The following SGCZ variants were observed in gnomAD, a reference collection of about 807,000 sequenced individuals.
The protein encoded by SGCZ is zeta-sarcoglycan.
Under a neutral mutation model 41.3 loss-of-function variants are expected in SGCZ, and 40 were observed. The ratio of observed to expected loss-of-function variants is 0.97; its 90% CI spans 0.75 to 1.26. SGCZ has a LOEUF of 1.26. Ranked by LOEUF, SGCZ falls within the 50% of genes most tolerant of loss-of-function variation. The pLI is 0.00. For synonymous variants in SGCZ, 206 were observed against 137.5 expected (o/e 1.50, Z -3.49); for missense variants, 552 against 369.8 (o/e 1.49, Z -4.04).
chr8:14,736,613 T>C (rs1253132292), intron 1 of SGCZ, among the ~76,000 whole-genome samples: 1 of 152,092 alleles, frequency 6.6e-6, no homozygotes, highest in East Asian at 1.9e-4. Context: ...TGTTGTTTTT[T>C]ATTCCTCACC....
intron 3 of SGCZ, among the ~76,000 whole-genome samples, chr8:14,252,715 A>G (rs540798286): frequency 2.6e-5 from 4 of 152,304 alleles, no homozygotes; most frequent in Non-Finnish European, 5.9e-5. Context: ...TCAAGGATAC[A>G]GTACTTGTAA....
chr8:14,885,156 A>G (rs1804739667), intron 1 of SGCZ, among the ~76,000 whole-genome samples: 1 of 152,164 alleles, frequency 6.6e-6, no homozygotes, highest in Admixed American at 6.6e-5. Flanking sequence ...TCTGCTTTGT[A>G]TCACATACGA....
At chr8:14,956,204 T>A (rs1800787408) in intron 1 of SGCZ, among the ~76,000 whole-genome samples, 1 of 151,938 alleles carries the variant, frequency 6.6e-6, no homozygotes, top group Non-Finnish European at 1.5e-5. Context: ...CACACCTAGC[T>A]AATTTTTGTA....
chr8:14,204,110 T>C (rs902326056), intron 4 of SGCZ, among the ~76,000 whole-genome samples: 2 of 152,044 alleles, frequency 1.3e-5, no homozygotes, highest in Admixed American at 6.6e-5. Flanking sequence ...GAATCTGGGA[T>C]TGGTTTCGGA....
At chr8:14,244,374 G>A (rs766361311) in intron 3 of SGCZ, among the ~76,000 whole-genome samples, 2 of 152,114 alleles carry the variant, frequency 1.3e-5, no homozygotes, top group East Asian at 1.9e-4. Flanking sequence ...CATCATCCCT[G>A]TGCCCAAGGC....
In SGCZ at chr8:14,177,999, C is replaced by CCAG. The variant is rs1804606301; in HGVS notation, c.425-13300_425-13298dup. ...TTGAGACGAAGTCTCACTCTGTCAC[C>CCAG]CAGGCTGGAGTGCAGTGGCATGATC... On this transcript the variant is annotated intron_variant, in intron 4 of 7. Transcript: ENST00000382080. Among the ~76,000 whole-genome samples, 5 of 110,560 alleles carry CCAG rather than the reference C, an allele frequency of 4.5e-5. No individual in the cohort carries two copies. In the Admixed American group the frequency reaches 6.9e-4, roughly 15 times the overall value. 72.5% of individuals were successfully genotyped at this position (110,560 alleles called of 152,430 possible). A position where few individuals can be genotyped will look rare whatever the true frequency, so the allele number is the denominator to read the frequency against.
rs183623333 is a variant in SGCZ, at chr8:14,429,125, T to G, written c.235-104921A>C. ...ACAGAACATTATAGTCAGATCTCTGTCCCTTTGCAGTCTACATCCTTGTGG... is the reference window on the plus strand; with the variant it reads ...ACAGAACATTATAGTCAGATCTCTGGCCCTTTGCAGTCTACATCCTTGTGG... On this transcript the variant is annotated intron_variant, in intron 2 of 7. Coordinates refer to ENST00000382080, the MANE Select transcript of SGCZ (RefSeq NM_139167.4). Among the ~76,000 whole-genome samples the G allele has an allele frequency of 2.5e-3, 386 of 152,318 alleles. 2 individuals carry two copies. Among genetic ancestry groups the G allele is most frequent in the African/African-American group, 8.8e-3 (364 of 41,568 alleles).
At chr8:14,926,789 C>T (rs921971673) in intron 1 of SGCZ, among the ~76,000 whole-genome samples, 12 of 151,896 alleles carry the variant, frequency 7.9e-5, no homozygotes, top group African/African-American at 2.4e-4. Context: ...TACAGGCATG[C>T]GCCACCACAC....
intron 1 of SGCZ, among the ~76,000 whole-genome samples, chr8:15,004,917 C>G (rs1400539364): frequency 2.0e-5 from 3 of 152,152 alleles, no homozygotes; most frequent in Admixed American, 6.5e-5. Context: ...ACTGCCACAC[C>G]TCCACCCCCA....
chr8:15,168,526 C>T (rs1247051680), intron 1 of SGCZ, among the ~76,000 whole-genome samples: 1 of 152,058 alleles, frequency 6.6e-6, no homozygotes, highest in Non-Finnish European at 1.5e-5. Context: ...CAGTACCTGC[C>T]AAGGTCGCTG....
rs113923660 is a variant in SGCZ, at chr8:14,432,651, C to T, written c.235-108447G>A. 5.8e-3 allele frequency among the ~76,000 whole-genome samples: 881 copies of T among 152,224 alleles called. 11 individuals carry two copies. Among genetic ancestry groups the T allele is most frequent in the African/African-American group, 0.02 (847 of 41,534 alleles). On this transcript the variant is annotated intron_variant, in intron 2 of 7. Coordinates refer to ENST00000382080, the MANE Select transcript of SGCZ (RefSeq NM_139167.4). ...ACTTACAGCAGGGCGCATTGGCTCA[C>T]GCCTGTAATCCCAGCACTTTGGGAG...
chr8:14,090,303 C>T lies in SGCZ; in HGVS notation c.*140G>A, dbSNP rs1002198843. ...AGTAAATCACAAGAGAAGGTGGTGG[C>T]GAATCCCTGCTCACACTGGAAGTTG... is the stretch of plus-strand genomic sequence containing the variant. On this transcript the variant is annotated 3_prime_UTR_variant, in exon 8 of 8. Transcript: ENST00000382080. The T allele has an allele frequency of 6.9e-5, 54 of 784,570 alleles. No individual in the cohort carries two copies. The highest frequency in any genetic ancestry group is 8.8e-5 in the Non-Finnish European group (45 of 513,214). 48.6% of individuals were successfully genotyped at this position (784,570 alleles called of 1,614,324 possible).
chr8:14,379,668 G>C (rs1207999345), intron 2 of SGCZ, among the ~76,000 whole-genome samples: 2 of 152,016 alleles, frequency 1.3e-5, no homozygotes, highest in Non-Finnish European at 2.9e-5. Context: ...CACTATTATA[G>C]ATTTAAAACT....
chr8:15,227,690 GAC>G (rs1488482797), intron 1 of SGCZ, among the ~76,000 whole-genome samples: 1 of 152,102 alleles, frequency 6.6e-6, no homozygotes, highest in African/African-American at 2.4e-5. Context: ...TCGTCAATAA[GAC>G]AACGGGAAAA....
At chr8:14,428,590 C>T (rs945353682) in intron 2 of SGCZ, among the ~76,000 whole-genome samples, 1 of 152,070 alleles carries the variant, frequency 6.6e-6, no homozygotes, top group African/African-American at 2.4e-5. Flanking sequence ...TCTACTGATC[C>T]GTGAAAGTTT....
At chr8:15,036,471 G>C (rs969182636) in intron 1 of SGCZ, among the ~76,000 whole-genome samples, 1 of 151,584 alleles carries the variant, frequency 6.6e-6, no homozygotes, top group Non-Finnish European at 1.5e-5. Flanking sequence ...TTAATACCTG[G>C]GTGATAAAAT....
chr8:14,580,501 T>C (rs1804851950), intron 1 of SGCZ, among the ~76,000 whole-genome samples: 1 of 152,272 alleles, frequency 6.6e-6, no homozygotes, highest in South Asian at 2.1e-4. Flanking sequence ...CTAAGGGAAA[T>C]ATTTAGAGGA....
chr8:15,095,264 A>C (rs1190793232), intron 1 of SGCZ, among the ~76,000 whole-genome samples: 2 of 151,934 alleles, frequency 1.3e-5, no homozygotes, highest in African/African-American at 4.8e-5. Flanking sequence ...ACCCCTAGCT[A>C]ATTTTTGTAT....
intron 5 of SGCZ, among the ~76,000 whole-genome samples, chr8:14,157,963 C>G (rs1026197577): frequency 2.6e-5 from 4 of 152,140 alleles, no homozygotes; most frequent in Non-Finnish European, 5.9e-5. Flanking sequence ...AGGCAGATCA[C>G]TTGAGGCCGG....
Sources: allele counts gnomAD v4.1 joint callset (sites outside exome capture counted in the v4.1 genomes callset), GRCh38; gene constraint gnomAD v4.1.1; transcripts MANE v1.5; gene names NCBI Gene and HGNC (gene_info 2026-07-23, HGNC 2026-07-21).